The following NIPA2 variants were observed in gnomAD, a reference collection of about 807,000 sequenced individuals.
The protein encoded by NIPA2 is NIPA magnesium transporter 2, also known as magnesium transporter NIPA2.
A neutral mutation model predicts 29.7 loss-of-function variants in NIPA2; 11 were observed. The observed-to-expected ratio is 0.37, with a 90% CI of 0.23 to 0.61. The LOEUF (loss-of-function observed/expected upper bound fraction) is 0.61. Among genes scored for constraint, NIPA2 ranks in the 20% least tolerant of loss-of-function variants. The probability of loss-of-function intolerance (pLI) is 0.66; values close to 1 mark genes in which losing one functional copy is unlikely to be tolerated. For missense variants in NIPA2, 426 were observed against 437.9 expected, an observed-to-expected ratio of 0.97 and a Z score of 0.24; for synonymous variants, 183 against 161.9, an observed-to-expected ratio of 1.13 and a Z score of -0.99.
At chr15:22,855,248 T>TAA (rs35274041) in intron 5 of NIPA2, among the ~76,000 whole-genome samples, 13 of 148,450 alleles carry the variant, frequency 8.8e-5, no homozygotes, top group African/African-American at 3.0e-4. Flanking sequence ...TCGTCTCTAG[T>TAA]AAAAAAAAAA....
intron 7 of NIPA2, among the ~76,000 whole-genome samples, chr15:22,862,326 G>T (rs1472795844): frequency 6.6e-6 from 1 of 152,094 alleles, no homozygotes; most frequent in Non-Finnish European, 1.5e-5. Context: ...GGGATTACAG[G>T]TGTGAGCTAC....
At chr15:22,849,257 G>A (rs114782046) in intron 3 of NIPA2, among the ~76,000 whole-genome samples, 152 of 151,686 alleles carry the variant, frequency 1.0e-3, no homozygotes, top group African/African-American at 3.5e-3. Flanking sequence ...CATAAAGTGG[G>A]TAATACCTTA....
chr15:22,867,405 A>AAATC lies in NIPA2; in HGVS notation c.*560_*563dup. 1 of 382,428 alleles carries AAATC rather than the reference A, an allele frequency of 2.6e-6. No individual in the cohort carries two copies. Among genetic ancestry groups the AAATC allele is most frequent in the Non-Finnish European group, 4.6e-6 (1 of 216,982 alleles). The allele number at this position is 382,428 out of a possible 1,614,324, so 23.7% of individuals were successfully genotyped here. On this transcript the variant is annotated 3_prime_UTR_variant, in exon 8 of 8. Coordinates refer to ENST00000337451, the MANE Select transcript of NIPA2 (RefSeq NM_030922.7). The stretch of plus-strand genomic sequence containing the variant: ...TCTTACAAAACAAAAAAAAGGGCAG[A>AAATC]AATCACCCCAAGGAACGATTTCTCA...
Position 22,866,909 on chromosome 15 carries a change from T to C in NIPA2, c.*62T>C. ...GAAGTGAATTTGAATATCATCAGAA[T>C]GTGTCTGAAAAAACATTGTCCTCAA... On this transcript the variant is annotated 3_prime_UTR_variant, in exon 8 of 8. Transcript: ENST00000337451. 2 of 1,421,256 alleles carry C rather than the reference T, an allele frequency of 1.4e-6. No individual in the cohort carries two copies. Among genetic ancestry groups the C allele is most frequent in the Non-Finnish European group, 1.9e-6 (2 of 1,055,904 alleles). 88.0% of individuals were successfully genotyped at this position (1,421,256 alleles called of 1,614,324 possible).
chr15:22,861,327 C>T (rs2058606912), intron 7 of NIPA2, among the ~76,000 whole-genome samples: 1 of 152,166 alleles, frequency 6.6e-6, no homozygotes, highest in African/African-American at 2.4e-5. Context: ...TGTGTGGCCT[C>T]AATCTAGGCG....
At chr15:22,851,927 G>A (rs531283967) in intron 4 of NIPA2, 57 bp downstream of exon 4, 6 of 1,462,054 alleles carry the variant, frequency 4.1e-6, no homozygotes, top group Admixed American at 4.0e-5. Context: ...ACATGCACAG[G>A]TTCTTTGTAC....
At position 22,867,754 on chromosome 15, in the gene NIPA2, AAACTT is replaced by A. The variant is rs1438301741; in HGVS notation, c.*911_*915del. On this transcript the variant is annotated 3_prime_UTR_variant, in exon 8 of 8. Coordinates refer to ENST00000337451, the MANE Select transcript of NIPA2 (RefSeq NM_030922.7). The stretch of plus-strand genomic sequence containing the variant: ...TTCTAAAAGTCTGAATGCTTAGAAC[AAACTT>A]AACATGTTTATAGAATATGGTCTCT... The A allele has an allele frequency of 6.6e-6, 1 of 152,136 alleles. No homozygotes were observed. Among genetic ancestry groups the A allele is most frequent in the African/African-American group, 2.4e-5 (1 of 41,340 alleles). 9.4% of individuals were successfully genotyped at this position (152,136 alleles called of 1,614,324 possible).
Position 22,858,627 on chromosome 15 carries a change from T to A in NIPA2, c.284T>A (p.Val95Glu), listed in dbSNP as rs2058380509. The A allele has an allele frequency of 1.3e-6, 2 of 1,588,544 alleles. No homozygotes were observed. Among genetic ancestry groups the A allele is most frequent in the African/African-American group, 1.3e-5 (1 of 74,178 alleles). ...VTPLGALSVL[V>E]SAILSSYFLN... ...CCACTAGGAGCTCTCAGCGTGCTAG[T>A]AAGGTAAGGACACGTTTTTCATGTA... Residue 95 changes from valine (V) to glutamate (E), a missense_variant, in exon 6 of 8, where the codon GTA becomes GAA. Transcript: ENST00000337451.
intron 7 of NIPA2, among the ~76,000 whole-genome samples, chr15:22,862,769 G>A (rs1052296222): frequency 2.0e-5 from 3 of 151,920 alleles, no homozygotes; most frequent in Non-Finnish European, 2.9e-5. Flanking sequence ...TTTAAGTGAT[G>A]TTTTTTCTTC....
intron 7 of NIPA2, among the ~76,000 whole-genome samples, chr15:22,864,553 G>A (rs80153770): frequency 6.6e-6 from 1 of 152,204 alleles, no homozygotes; most frequent in African/African-American, 2.4e-5. Context: ...ATTGACTGGG[G>A]GGAAGGATTA....
Position 22,868,348 on chromosome 15 carries a change from A to G in NIPA2, c.*1501A>G, listed in dbSNP as rs1375556655. The G allele has an allele frequency of 6.6e-6, 1 of 150,798 alleles. No individual in the cohort carries two copies. Among genetic ancestry groups the G allele is most frequent in the East Asian group, 1.9e-4 (1 of 5,208 alleles). 9.3% of individuals were successfully genotyped at this position (150,798 alleles called of 1,614,324 possible). On this transcript the variant is annotated 3_prime_UTR_variant, in exon 8 of 8. Coordinates refer to ENST00000337451, the MANE Select transcript of NIPA2 (RefSeq NM_030922.7). ...CTTGAGGACAGAGACTCATTTGAAC[A>G]TGCATAGGTTAATAAATAATAAATT... is the stretch of plus-strand genomic sequence containing the variant.
intron 2 of NIPA2, among the ~76,000 whole-genome samples, chr15:22,840,205 C>T (rs1297950422): frequency 6.6e-6 from 1 of 152,066 alleles, no homozygotes; most frequent in Non-Finnish European, 1.5e-5. Flanking sequence ...CAGGTGTGAG[C>T]CACCGAGCCG....
At position 22,860,785 on chromosome 15, in the gene NIPA2, T is replaced by C. The variant is rs2058564588; in HGVS notation, c.444T>C (p.Asp148=). 2 of 1,585,474 alleles carry C rather than the reference T, an allele frequency of 1.3e-6. No homozygotes were observed. Among genetic ancestry groups the C allele is most frequent in the Non-Finnish European group, 1.7e-6 (2 of 1,171,952 alleles). ...ATGAAATGTCTCACAAGCTAGGTGA[T>C]CCAGGTAAGAAAAAAGTCTTATTAG... is the stretch of plus-strand genomic sequence containing the variant. ...TLNEMSHKLG[D]PGFVVFATLV... The change falls in exon 7 of 8, where the codon GAT becomes GAC. Residue 148 remains aspartate (D), a synonymous_variant. Transcript: ENST00000337451.
At chr15:22,847,711 C>A (rs1046415854) in intron 3 of NIPA2, among the ~76,000 whole-genome samples, 7 of 151,728 alleles carry the variant, frequency 4.6e-5, no homozygotes, top group African/African-American at 1.7e-4. Context: ...ATCTGCCCAC[C>A]TCGGCCTCCC....
At position 22,838,934 on chromosome 15, in the gene NIPA2, CTCCT is replaced by C. The variant is rs1277101057; in HGVS notation, c.-352+19_-352+22del. 2 of 152,234 alleles carry C rather than the reference CTCCT, an allele frequency of 1.3e-5. No homozygotes were observed. Among genetic ancestry groups the C allele is most frequent in the African/African-American group, 4.8e-5 (2 of 41,456 alleles). The allele number at this position is 152,234 out of a possible 1,614,324, so 9.4% of individuals were successfully genotyped here. A position where few individuals can be genotyped will look rare whatever the true frequency, so the allele number is the denominator to read the frequency against. On this transcript the variant is annotated intron_variant, in intron 1 of 7. Transcript: ENST00000337451. ...CCGGCCGACTAGGGTGAGGTCGCCA[CTCCT>C]TCCTTTCAGGCAAGCGCGAAGGGGC...
chr15:22,859,236 TC>T (rs2058435081), intron 6 of NIPA2, among the ~76,000 whole-genome samples: 1 of 151,980 alleles, frequency 6.6e-6, no homozygotes, highest in East Asian at 1.9e-4. Context: ...TATTTATCAT[TC>T]AGTGCATGTG....
chr15:22,845,666 G>C (rs1463849555), intron 3 of NIPA2, among the ~76,000 whole-genome samples: 1 of 152,106 alleles, frequency 6.6e-6, no homozygotes, highest in Non-Finnish European at 1.5e-5. Context: ...CTTGAGTGGA[G>C]AGCAGGCTTT....
intron 5 of NIPA2, among the ~76,000 whole-genome samples, chr15:22,854,847 G>A (rs377756431): frequency 2.9e-4 from 44 of 151,994 alleles, no homozygotes; most frequent in African/African-American, 9.7e-4. Context: ...TCTATTTGTC[G>A]TACCCTCATA....
intron 3 of NIPA2, among the ~76,000 whole-genome samples, chr15:22,851,081 T>TA (rs1474650909): frequency 1.3e-5 from 2 of 152,162 alleles, no homozygotes; most frequent in Admixed American, 6.5e-5. Flanking sequence ...ACCGGTACCA[T>TA]ACTGCACGCC....
Sources: allele counts gnomAD v4.1 joint callset (sites outside exome capture counted in the v4.1 genomes callset), GRCh38; gene constraint gnomAD v4.1.1; transcripts MANE v1.5; gene names NCBI Gene and HGNC (gene_info 2026-07-23, HGNC 2026-07-21).